MSANTD5: variants seen among roughly 807,000 people sequenced by gnomAD.
MSANTD5 encodes uncharacterized protein MSANTD5.
upstream of MSANTD5, among the ~76,000 whole-genome samples, chr5:178,699,939 C>CTTGTCCTCGGTATATG (rs1273902961): frequency 6.5e-5 from 9 of 138,620 alleles, no homozygotes; most frequent in Middle Eastern, 3.4e-3. Context: ...CTGTGGCTTT[C>CTTGTCCTCGGTATATG]CAGCACAGAC....
chr5:178,700,530 T>A (rs969090106), upstream of MSANTD5, among the ~76,000 whole-genome samples: 1 of 148,354 alleles, frequency 6.7e-6, no homozygotes, highest in Non-Finnish European at 1.5e-5. Context: ...GCCACCTTGG[T>A]CCTGCCCCAC....
At chr5:178,705,453 T>C in the MSANTD5 span, among the ~76,000 whole-genome samples, 1 of 151,902 alleles carries the variant, frequency 6.6e-6, no homozygotes, top group African/African-American at 2.4e-5. Flanking sequence ...TGTCTTCCCC[T>C]GCAAAAAAGG....
chr5:178,692,738 A>T (rs1206501603), downstream of MSANTD5, among the ~76,000 whole-genome samples: 1 of 152,108 alleles, frequency 6.6e-6, no homozygotes. Context: ...ACAAACTTAT[A>T]AAAAGGAAGT....
chr5:178,695,599 C>T lies in MSANTD5; in HGVS notation c.92-1G>A, dbSNP rs1450804458. 1 of 152,154 alleles carries T rather than the reference C, an allele frequency of 6.6e-6. No homozygotes were observed. Among genetic ancestry groups the T allele is most frequent in the Non-Finnish European group, 1.5e-5 (1 of 68,030 alleles). The allele number at this position is 152,154 out of a possible 1,614,324, so 9.4% of individuals were successfully genotyped here. The stretch of plus-strand genomic sequence containing the variant: ...TCACTCCAAGGTTTAACTGACTGGA[C>T]TGGAAGGAAAGAGGAATATGGATGT... On this transcript the variant is annotated splice_acceptor_variant, in intron 2 of 3. Coordinates refer to ENST00000648368, the Ensembl canonical transcript of MSANTD5. LOFTEE classifies it high-confidence loss of function.
At chr5:178,703,600 T>A in the MSANTD5 span, among the ~76,000 whole-genome samples, 1 of 152,138 alleles carries the variant, frequency 6.6e-6, no homozygotes, top group Non-Finnish European at 1.5e-5. Flanking sequence ...GTTTGATAGA[T>A]CAGTAGGGTG....
downstream of MSANTD5, among the ~76,000 whole-genome samples, chr5:178,694,007 A>G (rs113971408): frequency 1.4e-4 from 21 of 152,114 alleles, no homozygotes; most frequent in Middle Eastern, 3.4e-3. Flanking sequence ...GAGGATCTGG[A>G]GGCTCAGAAA....
intron 2 of MSANTD5, 114 bp from the exon 3 acceptor site, chr5:178,695,712 T>C (rs1400745079): frequency 6.6e-6 from 1 of 152,168 alleles, no homozygotes; most frequent in African/African-American, 2.4e-5. Context: ...TGGGAGATAA[T>C]AGGACCTTAA....
At chr5:178,700,180 C>G (rs1266021951), upstream of MSANTD5, among the ~76,000 whole-genome samples, 4 of 152,144 alleles carry the variant, frequency 2.6e-5, no homozygotes, top group East Asian at 7.8e-4. Flanking sequence ...TGGCACTCCT[C>G]ACAGGTGCTG....
upstream of MSANTD5, among the ~76,000 whole-genome samples, chr5:178,701,722 T>G (rs1005659476): frequency 2.0e-5 from 3 of 147,648 alleles, no homozygotes; most frequent in African/African-American, 7.4e-5. Flanking sequence ...TATTATATAT[T>G]TATAAATATA....
At chr5:178,696,521 C>G (rs1321377314) in intron 1 of MSANTD5, among the ~76,000 whole-genome samples, 1 of 152,110 alleles carries the variant, frequency 6.6e-6, no homozygotes, top group Non-Finnish European at 1.5e-5. Context: ...CCACTGCGAC[C>G]AGCCCCCCTT....
downstream of MSANTD5, among the ~76,000 whole-genome samples, chr5:178,693,870 G>A (rs771455706): frequency 1.5e-4 from 23 of 151,960 alleles, no homozygotes; most frequent in Non-Finnish European, 2.2e-4. Context: ...AAGCCCAGCT[G>A]GATTCACCTC....
exon 4 of MSANTD5, chr5:178,694,795 T>C (rs1460653865): frequency 1.3e-5 from 2 of 152,206 alleles, no homozygotes; most frequent in Non-Finnish European, 2.9e-5. Context: ...TGACCATTCA[T>C]GTTCCAGGGC....
At chr5:178,706,649 T>C in the MSANTD5 span, among the ~76,000 whole-genome samples, 2 of 151,946 alleles carry the variant, frequency 1.3e-5, no homozygotes, top group East Asian at 1.9e-4. Context: ...ACAGGAAGGA[T>C]AGAGAGAATG....
chr5:178,692,255 C>T (rs1305730371), downstream of MSANTD5, among the ~76,000 whole-genome samples: 1 of 150,006 alleles, frequency 6.7e-6, no homozygotes, highest in East Asian at 1.9e-4. Context: ...TGGCAGGCGC[C>T]TGTAATCCCA....
chr5:178,700,511 A>G (rs1028809762), upstream of MSANTD5, among the ~76,000 whole-genome samples: 3 of 146,936 alleles, frequency 2.0e-5, no homozygotes, highest in Admixed American at 6.9e-5. Context: ...AACTACACTG[A>G]GTCCAGGGGC....
downstream of MSANTD5, among the ~76,000 whole-genome samples, chr5:178,694,158 A>G (rs995776528): frequency 1.3e-5 from 2 of 151,862 alleles, no homozygotes; most frequent in African/African-American, 2.4e-5. Flanking sequence ...TTCTACTAAA[A>G]ATACAAAAAT....
At chr5:178,701,890 T>C (rs62392827), upstream of MSANTD5, among the ~76,000 whole-genome samples, 34,452 of 150,270 alleles carry the variant, frequency 0.23, 4,287 homozygotes, top group South Asian at 0.36. Flanking sequence ...TGCACCACCA[T>C]GCCCGGCTAA....
At chr5:178,692,419 A>G (rs1330182372), downstream of MSANTD5, among the ~76,000 whole-genome samples, 1 of 151,582 alleles carries the variant, frequency 6.6e-6, no homozygotes, top group Non-Finnish European at 1.5e-5. Flanking sequence ...ATTATTATAC[A>G]CCCAGAAATT....
downstream of MSANTD5, among the ~76,000 whole-genome samples, chr5:178,692,596 A>G (rs1182506943): frequency 6.6e-6 from 1 of 152,066 alleles, no homozygotes; most frequent in Non-Finnish European, 1.5e-5. Context: ...GTGGAACACT[A>G]CATGGCAAGA....
Sources: gnomAD v4.1 joint callset for allele counts (sites outside exome capture counted in the v4.1 genomes callset) on GRCh38, gnomAD v4.1.1 for gene constraint, MANE v1.5 for transcripts, NCBI Gene and HGNC (gene_info 2026-07-23, HGNC 2026-07-21) for gene names.